DMD: variants seen among roughly 807,000 people sequenced by gnomAD.
The protein encoded by DMD is mutant dystrophin.
A neutral mutation model predicts 330.1 loss-of-function variants in DMD; 63 were observed. The observed-to-expected ratio is 0.19, with a 90% CI of 0.16 to 0.24. The LOEUF (loss-of-function observed/expected upper bound fraction) is 0.24, where lower values mean the gene tolerates loss of function less well. Among genes scored for constraint, DMD ranks in the 10% least tolerant of loss-of-function variants. The probability of loss-of-function intolerance (pLI) is 1.00; values close to 1 mark genes in which losing one functional copy is unlikely to be tolerated. For synonymous variants in DMD, 1,223 were observed against 959.8 expected, an observed-to-expected ratio of 1.27 and a Z score of -5.07; for missense variants, 3,344 against 2,684.1, an observed-to-expected ratio of 1.25 and a Z score of -5.43.
At chrX:33,275,842 C>T (rs1264865945) in intron 1 of DMD, among the ~76,000 whole-genome samples, 1 of 111,744 alleles carries the variant, frequency 8.9e-6, no homozygotes, top group Non-Finnish European at 1.9e-5. Flanking sequence ...ATGACATGTA[C>T]TTGCATACAC....
chrX:32,638,159 G>A (rs2059219789), intron 11 of DMD, among the ~76,000 whole-genome samples: 1 of 111,519 alleles, frequency 9.0e-6, no homozygotes, highest in Non-Finnish European at 1.9e-5. Flanking sequence ...TAGTCCAATA[G>A]CTTAATTATC....
intron 9 of DMD, among the ~76,000 whole-genome samples, chrX:32,686,367 G>C (rs1184819301): frequency 9.1e-6 from 1 of 109,652 alleles, no homozygotes; most frequent in Non-Finnish European, 1.9e-5. Flanking sequence ...AGACCAGCCT[G>C]GCCAAAATGG....
intron 59 of DMD, among the ~76,000 whole-genome samples, chrX:31,458,156 C>A (rs1000375777): frequency 9.0e-6 from 1 of 111,066 alleles, no homozygotes; most frequent in Non-Finnish European, 1.9e-5. Flanking sequence ...TATTCTGAGG[C>A]TGAAAAGAAA....
intron 61 of DMD, among the ~76,000 whole-genome samples, chrX:31,329,154 T>A (rs1246474813): frequency 8.9e-6 from 1 of 112,443 alleles, no homozygotes; most frequent in Non-Finnish European, 1.9e-5. Flanking sequence ...CAATCATGAA[T>A]AAAGCTGGTA....
intron 1 of DMD, among the ~76,000 whole-genome samples, chrX:33,023,342 T>G (rs923978024): frequency 8.9e-6 from 1 of 111,831 alleles, no homozygotes; most frequent in Admixed American, 9.5e-5. Context: ...TCGAAAAAAT[T>G]ATCAGTTCAA....
intron 9 of DMD, among the ~76,000 whole-genome samples, chrX:32,679,356 G>A (rs970132680): frequency 1.8e-5 from 2 of 110,034 alleles, no homozygotes; most frequent in African/African-American, 6.6e-5. Context: ...TTTGTGAAAA[G>A]ATAGACTGGC....
At chrX:32,369,484 C>A (rs777796079) in intron 34 of DMD, among the ~76,000 whole-genome samples, 1 of 111,514 alleles carries the variant, frequency 9.0e-6, no homozygotes, top group East Asian at 2.8e-4. Context: ...CTCCATTGGT[C>A]TCTGCTGATT....
intron 18 of DMD, among the ~76,000 whole-genome samples, chrX:32,511,535 A>AGG (rs2045331805): frequency 1.9e-5 from 2 of 107,205 alleles, no homozygotes; most frequent in African/African-American, 3.4e-5. Context: ...AAAAAAAAAA[A>AGG]AAAAAAAAAA....
At chrX:33,095,425 T>G (rs1338273985) in intron 1 of DMD, among the ~76,000 whole-genome samples, 1 of 112,150 alleles carries the variant, frequency 8.9e-6, no homozygotes, top group Non-Finnish European at 1.9e-5. Flanking sequence ...TTTATGTCCC[T>G]TGTTATGGTT....
chrX:32,629,090 T>A (rs1027146326), intron 11 of DMD, among the ~76,000 whole-genome samples: 1 of 111,900 alleles, frequency 8.9e-6, no homozygotes, highest in African/African-American at 3.2e-5. Context: ...CTGGATGATC[T>A]ATCTGGCCAC....
intron 41 of DMD, among the ~76,000 whole-genome samples, chrX:32,332,444 G>GTGTGT: frequency 2.0e-5 from 2 of 98,845 alleles, no homozygotes; most frequent in Admixed American, 1.1e-4. Flanking sequence ...GTGTGTGTGT[G>GTGTGT]GTGTATGTGC....
chrX:32,839,281 C>G lies in DMD; in HGVS notation c.264+5502G>C, dbSNP rs146844139. On this transcript the variant is annotated intron_variant, in intron 4 of 78. Coordinates refer to ENST00000357033, the MANE Select transcript of DMD (RefSeq NM_004006.3). ...TTAAGGTCTTTATTACCGTGCCTAA[C>G]CCACCTTCCTATAGACAATTCCAAG... Among the ~76,000 whole-genome samples the G allele has an allele frequency of 4.6e-3, 511 of 111,556 alleles. 4 individuals carry two copies. Among genetic ancestry groups the G allele is most frequent in the African/African-American group, 0.016 (484 of 30,706 alleles).
chrX:32,389,370 T>C (rs1603632305), intron 32 of DMD, 131 bp downstream of exon 32: 2 of 741,038 alleles, frequency 2.7e-6, no homozygotes, highest in East Asian at 7.0e-5. Context: ...CCAATTTTTG[T>C]TCTCAATCTT....
chrX:32,218,527 C>T (rs1470817849), intron 43 of DMD, among the ~76,000 whole-genome samples: 1 of 111,779 alleles, frequency 8.9e-6, no homozygotes, highest in African/African-American at 3.3e-5. Flanking sequence ...GATATCTTTT[C>T]AGTCCTCTAC....
intron 55 of DMD, among the ~76,000 whole-genome samples, chrX:31,611,348 C>T (rs952518854): frequency 3.6e-5 from 4 of 111,090 alleles, no homozygotes; most frequent in Non-Finnish European, 7.5e-5. Context: ...AGATCTCCAA[C>T]AGCACTGACT....
chrX:31,890,094 C>T (rs1233286838), intron 47 of DMD, among the ~76,000 whole-genome samples: 7 of 107,084 alleles, frequency 6.5e-5, no homozygotes, highest in African/African-American at 2.4e-4. Context: ...AAAAAAAAAA[C>T]AGTCTCCTTC....
intron 34 of DMD, among the ~76,000 whole-genome samples, chrX:32,377,021 T>C (rs1322305996): frequency 1.8e-5 from 2 of 111,785 alleles, no homozygotes; most frequent in African/African-American, 6.5e-5. Context: ...AAATATATAT[T>C]ACTATAGATT....
intron 37 of DMD, among the ~76,000 whole-genome samples, chrX:32,355,342 AACTC>A (rs1322374086): frequency 9.0e-6 from 1 of 111,423 alleles, no homozygotes; most frequent in African/African-American, 3.3e-5. Flanking sequence ...GAACTTGGTC[AACTC>A]ACTGACACTC....
chrX:31,805,240 T>C (rs2092250314), intron 50 of DMD, among the ~76,000 whole-genome samples: 1 of 111,862 alleles, frequency 8.9e-6, no homozygotes, highest in Admixed American at 9.5e-5. Flanking sequence ...TCTTCCTAAC[T>C]AATTCATTAT....
Sources: gnomAD v4.1 joint callset for allele counts (sites outside exome capture counted in the v4.1 genomes callset) on GRCh38, gnomAD v4.1.1 for gene constraint, MANE v1.5 for transcripts, NCBI Gene and HGNC (gene_info 2026-07-23, HGNC 2026-07-21) for gene names.